RABGAP1L: variants seen among roughly 807,000 people sequenced by gnomAD.
The protein encoded by RABGAP1L is rab GTPase-activating protein 1-like.
In RABGAP1L, 63 loss-of-function variants were observed where a neutral mutation model predicts 137.7. That is an observed-to-expected ratio of 0.46 (90% confidence interval 0.37 to 0.56). The LOEUF (loss-of-function observed/expected upper bound fraction) is 0.56, where lower values mean the gene tolerates loss of function less well. RABGAP1L is among the 20% of genes least tolerant of loss of function. The pLI, the probability that RABGAP1L is intolerant of heterozygous loss-of-function variation, is 0.00. For missense variants in RABGAP1L, 1,095 were observed against 1,244.0 expected, an observed-to-expected ratio of 0.88 and a Z score of 1.80; for synonymous variants, 431 against 433.7, an observed-to-expected ratio of 0.99 and a Z score of 0.08.
chr1:174,328,485 C>G (rs1680742092), intron 11 of RABGAP1L, among the ~76,000 whole-genome samples: 1 of 152,106 alleles, frequency 6.6e-6, no homozygotes, highest in South Asian at 2.1e-4. Flanking sequence ...TAAAAAATTT[C>G]TTGGCCGGGC....
intron 13 of RABGAP1L, among the ~76,000 whole-genome samples, chr1:174,574,633 C>A (rs1384618108): frequency 6.6e-6 from 1 of 151,610 alleles, no homozygotes; most frequent in Non-Finnish European, 1.5e-5. Context: ...ATTAAAATGG[C>A]ATGTTTTTTT....
At chr1:174,975,446 G>A (rs1239544674) in intron 21 of RABGAP1L, among the ~76,000 whole-genome samples, 1 of 152,104 alleles carries the variant, frequency 6.6e-6, no homozygotes, top group Non-Finnish European at 1.5e-5. Context: ...TGGGTTCCTG[G>A]TCCATATTTC....
chr1:174,623,402 A>T (rs574015753), intron 13 of RABGAP1L, among the ~76,000 whole-genome samples: 1 of 152,298 alleles, frequency 6.6e-6, no homozygotes. Context: ...AACCACCCTT[A>T]AGTTCATAAT....
intron 1 of RABGAP1L, among the ~76,000 whole-genome samples, chr1:174,203,169 G>T (rs372824857): frequency 7.9e-5 from 12 of 152,042 alleles, no homozygotes; most frequent in African/African-American, 2.9e-4. Context: ...TCCATCTTGA[G>T]TTAATTTTTG....
chr1:174,369,352 G>C (rs116802159), intron 11 of RABGAP1L, among the ~76,000 whole-genome samples: 1,651 of 152,202 alleles, frequency 0.011, 30 homozygotes, highest in African/African-American at 0.038. Context: ...ACCATGCCCA[G>C]CTAATTTTTT....
chr1:174,359,624 G>A (rs1408741562), intron 11 of RABGAP1L, among the ~76,000 whole-genome samples: 1 of 152,162 alleles, frequency 6.6e-6, no homozygotes, highest in African/African-American at 2.4e-5. Flanking sequence ...ACACAGACTG[G>A]TGTCTGCTGA....
At chr1:174,488,605 T>C (rs1327279604) in intron 13 of RABGAP1L, among the ~76,000 whole-genome samples, 1 of 152,134 alleles carries the variant, frequency 6.6e-6, no homozygotes, top group African/African-American at 2.4e-5. Flanking sequence ...ATTATCTCTT[T>C]GGATAAACTT....
chr1:174,276,559 G>A (rs1437556621), intron 9 of RABGAP1L, among the ~76,000 whole-genome samples: 1 of 152,008 alleles, frequency 6.6e-6, no homozygotes, highest in Admixed American at 6.6e-5. Context: ...AGAAAATGAT[G>A]AAAAGGAAAT....
intron 10 of RABGAP1L, among the ~76,000 whole-genome samples, chr1:174,284,718 A>G (rs1304939995): frequency 2.3e-5 from 2 of 88,310 alleles, no homozygotes; most frequent in East Asian, 6.0e-4. Flanking sequence ...TCTCACCAAC[A>G]TTTGTTATTT....
intron 13 of RABGAP1L, among the ~76,000 whole-genome samples, chr1:174,627,460 G>A (rs1673010682): frequency 6.6e-6 from 1 of 152,154 alleles, no homozygotes; most frequent in Non-Finnish European, 1.5e-5. Context: ...GTGTATATAC[G>A]TTATACTGGG....
chr1:174,716,453 C>G (rs553280722), intron 17 of RABGAP1L, among the ~76,000 whole-genome samples: 1 of 152,156 alleles, frequency 6.6e-6, no homozygotes, highest in Non-Finnish European at 1.5e-5. Flanking sequence ...AGCTGTTTGG[C>G]ATTTTTAACC....
intron 13 of RABGAP1L, among the ~76,000 whole-genome samples, chr1:174,535,515 C>T (rs1435983857): frequency 2.6e-5 from 4 of 152,190 alleles, no homozygotes; most frequent in African/African-American, 7.2e-5. Context: ...CTAGAAGCTG[C>T]ACTTTTTGCC....
chr1:174,979,234 G>A (rs1670897688), intron 23 of RABGAP1L, among the ~76,000 whole-genome samples: 1 of 152,088 alleles, frequency 6.6e-6, no homozygotes, highest in African/African-American at 2.4e-5. Flanking sequence ...TTTTTCTTTG[G>A]GGGAAGAAAT....
intron 17 of RABGAP1L, among the ~76,000 whole-genome samples, chr1:174,721,420 G>C (rs74365829): frequency 0.079 from 11,989 of 152,228 alleles, 659 homozygotes; most frequent in East Asian, 0.32. Context: ...TTTGTTTTTA[G>C]TGTTTATTTT....
chr1:174,444,092 T>G (rs1654464828), intron 13 of RABGAP1L, among the ~76,000 whole-genome samples: 1 of 152,108 alleles, frequency 6.6e-6, no homozygotes, highest in African/African-American at 2.4e-5. Context: ...TGTAGTGTAT[T>G]TGGAGTCAGG....
intron 18 of RABGAP1L, among the ~76,000 whole-genome samples, chr1:174,774,367 G>T (rs548657909): frequency 6.6e-6 from 1 of 152,246 alleles, no homozygotes; most frequent in East Asian, 1.9e-4. Flanking sequence ...GAGGCAGGAG[G>T]ATCACATGAG....
intron 13 of RABGAP1L, among the ~76,000 whole-genome samples, chr1:174,489,742 C>G (rs181937316): frequency 1.3e-5 from 2 of 152,082 alleles, no homozygotes; most frequent in East Asian, 1.9e-4. Context: ...ATGTTTATTG[C>G]GCCACTATTC....
intron 14 of RABGAP1L, among the ~76,000 whole-genome samples, chr1:174,652,020 A>G (rs908701857): frequency 2.0e-4 from 31 of 152,232 alleles, no homozygotes; most frequent in African/African-American, 5.1e-4. Flanking sequence ...AGCTCTTTTA[A>G]GGCAGGCCTG....
At chr1:174,438,251 C>A (rs182844446) in intron 13 of RABGAP1L, among the ~76,000 whole-genome samples, 1 of 152,200 alleles carries the variant, frequency 6.6e-6, no homozygotes, top group Admixed American at 6.5e-5. Context: ...TGTTTTTTCT[C>A]TTTCCCAAGA....
Sources: gnomAD v4.1 joint callset for allele counts (sites outside exome capture counted in the v4.1 genomes callset) on GRCh38, gnomAD v4.1.1 for gene constraint, MANE v1.5 for transcripts, NCBI Gene and HGNC (gene_info 2026-07-23, HGNC 2026-07-21) for gene names.